Variants in GRIK4 observed in about 807,000 individuals in gnomAD.
GRIK4 encodes the protein glutamate receptor ionotropic, kainate 4.
GRIK4 carries 40 observed loss-of-function variants against 104.9 expected under a neutral mutation model. The observed-to-expected ratio is 0.38, with a 90% CI of 0.30 to 0.50. The LOEUF is 0.50. Ranked by LOEUF, GRIK4 falls within the 20% of genes least tolerant of loss-of-function variation. GRIK4 has a pLI of 0.93. For missense variants in GRIK4, 1,047 were observed against 1,308.1 expected, an observed-to-expected ratio of 0.80 and a Z score of 3.08; for synonymous variants, 485 against 524.9, an observed-to-expected ratio of 0.92 and a Z score of 1.04.
At chr11:120,514,194 CGT>C in intron 1 of GRIK4, among the ~76,000 whole-genome samples, 1 of 152,254 alleles carries the variant, frequency 6.6e-6, no homozygotes, top group East Asian at 1.9e-4. Flanking sequence ...CAGCGCCAAG[CGT>C]GTGTGGGAAG....
chr11:120,939,670 C>T lies in GRIK4; in HGVS notation c.1477-677C>T, dbSNP rs181912753. On this transcript the variant is annotated intron_variant, in intron 13 of 20. Coordinates refer to ENST00000527524, the MANE Select transcript of GRIK4 (RefSeq NM_014619.5). This position sits in a 1 kb window ranked among gnomAD's most constrained non-coding sequence, Gnocchi z 5.6. ...AGTCAGTGGAGTTTTGTCAACTGAA[C>T]GAAACAAACACTACTCAATATTGAG... Among the ~76,000 whole-genome samples, 3 of 152,250 alleles carry T rather than the reference C, an allele frequency of 2.0e-5. No homozygotes were observed. Among genetic ancestry groups the T allele is most frequent in the Admixed American group, 2.0e-4 (3 of 15,290 alleles).
chr11:120,678,354 C>T (rs1950133880), intron 3 of GRIK4, among the ~76,000 whole-genome samples: 1 of 152,084 alleles, frequency 6.6e-6, no homozygotes, highest in Non-Finnish European at 1.5e-5. Flanking sequence ...GGCTGTGGTG[C>T]TCAGAAGGGC....
chr11:120,558,290 T>C (rs1948206815), intron 1 of GRIK4, among the ~76,000 whole-genome samples: 2 of 151,694 alleles, frequency 1.3e-5, no homozygotes, highest in South Asian at 2.1e-4. Flanking sequence ...CTATATGAAG[T>C]AAGTTAAAAC....
chr11:120,513,856 G>C lies in GRIK4; in HGVS notation c.-159+1969G>C, dbSNP rs537663083. On this transcript the variant is annotated intron_variant, in intron 1 of 20. Transcript: ENST00000527524. This position sits in a 1 kb window ranked among gnomAD's most constrained non-coding sequence, Gnocchi z 4.5. ...TCCCATCCCCCTACCTGGGCATCTT[G>C]ATCGGTGGCTGCTGTCTTCCCCAGC... 2.6e-5 allele frequency among the ~76,000 whole-genome samples: 4 copies of C among 152,312 alleles called. No homozygotes were observed. The South Asian group carries it at 8.3e-4, about 32-fold the overall frequency.
chr11:120,942,094 G>A (rs192498649), intron 14 of GRIK4, among the ~76,000 whole-genome samples: 1 of 152,338 alleles, frequency 6.6e-6, no homozygotes, highest in East Asian at 1.9e-4. Flanking sequence ...CCTCCTGTGT[G>A]TGGTCTTTGA....
At chr11:120,743,694 A>G (rs1447925009) in intron 3 of GRIK4, among the ~76,000 whole-genome samples, 1 of 152,222 alleles carries the variant, frequency 6.6e-6, no homozygotes, top group African/African-American at 2.4e-5. Flanking sequence ...TGTTGCAAAG[A>G]TGGTGTGTTG....
chr11:120,660,633 ACT>A (rs1241504058), intron 3 of GRIK4, among the ~76,000 whole-genome samples: 1 of 152,058 alleles, frequency 6.6e-6, no homozygotes, highest in African/African-American at 2.4e-5. Context: ...GATGCTGATA[ACT>A]CCCTAGTGCA....
chr11:120,764,576 T>C (rs1325197890), intron 3 of GRIK4, among the ~76,000 whole-genome samples: 1 of 150,792 alleles, frequency 6.6e-6, no homozygotes, highest in Non-Finnish European at 1.5e-5. Flanking sequence ...TTGCAGTGGT[T>C]GATACCAGTT....
At chr11:120,538,848 G>C (rs1406224678) in intron 1 of GRIK4, among the ~76,000 whole-genome samples, 2 of 152,228 alleles carry the variant, frequency 1.3e-5, no homozygotes, top group Non-Finnish European at 2.9e-5. Flanking sequence ...GGCTCTAACT[G>C]TATTTCAGGA....
At chr11:120,694,242 TAGGGAAA>T (rs1427774862) in intron 3 of GRIK4, among the ~76,000 whole-genome samples, 1 of 152,180 alleles carries the variant, frequency 6.6e-6, no homozygotes, top group African/African-American at 2.4e-5. Flanking sequence ...AAGAGTGCAG[TAGGGAAA>T]AGAACCCTGG....
At chr11:120,686,588 T>C (rs1447278012) in intron 3 of GRIK4, among the ~76,000 whole-genome samples, 1 of 152,220 alleles carries the variant, frequency 6.6e-6, no homozygotes, top group Non-Finnish European at 1.5e-5. Flanking sequence ...CACGTCTATA[T>C]GTGAAGGCTT....
At chr11:120,775,501 A>G (rs1952025804) in intron 3 of GRIK4, among the ~76,000 whole-genome samples, 1 of 152,216 alleles carries the variant, frequency 6.6e-6, no homozygotes, top group South Asian at 2.1e-4. Flanking sequence ...GTTCATGAAT[A>G]TTGAAAGTGT....
chr11:120,678,235 C>T (rs1163993671), intron 3 of GRIK4, among the ~76,000 whole-genome samples: 1 of 152,158 alleles, frequency 6.6e-6, no homozygotes, highest in Non-Finnish European at 1.5e-5. Flanking sequence ...CCCTTCTTGT[C>T]CCCACCTCTG....
chr11:120,713,867 A>C (rs1287008579), intron 3 of GRIK4, among the ~76,000 whole-genome samples: 1 of 152,150 alleles, frequency 6.6e-6, no homozygotes, highest in Admixed American at 6.5e-5. Flanking sequence ...CATTTTACAG[A>C]GGGGGAAATT....
intron 11 of GRIK4, among the ~76,000 whole-genome samples, chr11:120,893,005 A>C (rs1402560415): frequency 6.6e-6 from 1 of 152,222 alleles, no homozygotes; most frequent in African/African-American, 2.4e-5. Context: ...TTAACGTATA[A>C]AAGCGCAGAA....
intron 1 of GRIK4, among the ~76,000 whole-genome samples, chr11:120,609,906 C>G (rs114306791): frequency 6.6e-6 from 1 of 152,160 alleles, no homozygotes; most frequent in African/African-American, 2.4e-5. Context: ...CTCCTTTCCT[C>G]GGCTCTCTCC....
intron 1 of GRIK4, among the ~76,000 whole-genome samples, chr11:120,621,838 C>T (rs1439049258): frequency 6.6e-6 from 1 of 152,150 alleles, no homozygotes; most frequent in Non-Finnish European, 1.5e-5. Context: ...TAATGATTAA[C>T]ATGGGTATGG....
intron 13 of GRIK4, among the ~76,000 whole-genome samples, chr11:120,920,986 G>A (rs1476242197): frequency 6.6e-6 from 1 of 152,080 alleles, no homozygotes; most frequent in East Asian, 1.9e-4. Flanking sequence ...CCAGCATGTG[G>A]CCTTCACATT....
intron 3 of GRIK4, among the ~76,000 whole-genome samples, chr11:120,801,318 C>T (rs557654131): frequency 3.3e-5 from 5 of 152,280 alleles, no homozygotes; most frequent in African/African-American, 9.6e-5. Context: ...CTCCACTTCC[C>T]GGGTTCAAGT....
Sources: gnomAD v4.1 joint callset for allele counts (sites outside exome capture counted in the v4.1 genomes callset) on GRCh38, gnomAD v4.1.1 for gene constraint, Gnocchi (gnomAD v3.1) non-coding constraint, MANE v1.5 for transcripts, NCBI Gene and HGNC (gene_info 2026-07-23, HGNC 2026-07-21) for gene names.